The following GPC5 variants were observed in gnomAD, a reference collection of about 807,000 sequenced individuals.
GPC5 encodes the protein glypican-5.
A neutral mutation model predicts 53.9 loss-of-function variants in GPC5; 47 were observed. The observed-to-expected ratio is 0.87, with a 90% confidence interval of 0.69 to 1.11. The LOEUF (loss-of-function observed/expected upper bound fraction) is 1.11. Among genes scored for constraint, GPC5 ranks in the 50% most tolerant of loss-of-function variants. The pLI is 0.00. For missense variants in GPC5, 748 were observed against 713.1 expected, an observed-to-expected ratio of 1.05 and a Z score of -0.56; for synonymous variants, 286 against 263.3, an observed-to-expected ratio of 1.09 and a Z score of -0.84.
At chr13:92,394,612 A>C (rs1284858208) in intron 7 of GPC5, among the ~76,000 whole-genome samples, 2 of 152,186 alleles carry the variant, frequency 1.3e-5, no homozygotes, top group Admixed American at 1.3e-4. Flanking sequence ...TGAACCACCC[A>C]GTCTATGGTA....
At chr13:91,851,242 G>T (rs552100088) in intron 5 of GPC5, among the ~76,000 whole-genome samples, 31 of 152,212 alleles carry the variant, frequency 2.0e-4, no homozygotes, top group Non-Finnish European at 3.8e-4. Context: ...GTAGGCAATT[G>T]TAGCACAATG....
At chr13:91,566,931 C>CTT (rs372108616) in intron 2 of GPC5, among the ~76,000 whole-genome samples, 9,509 of 140,762 alleles carry the variant, frequency 0.068, 715 homozygotes, top group African/African-American at 0.18. Context: ...TCTTCCAATT[C>CTT]TTTTTTTTTT....
chr13:92,717,066 G>A (rs1015124900), intron 7 of GPC5, among the ~76,000 whole-genome samples: 1 of 151,640 alleles, frequency 6.6e-6, no homozygotes, highest in Non-Finnish European at 1.5e-5. Flanking sequence ...CTCCAAATCT[G>A]TGCTGTGAAG....
chr13:92,441,052 A>T (rs1388583351), intron 7 of GPC5, among the ~76,000 whole-genome samples: 1 of 151,962 alleles, frequency 6.6e-6, no homozygotes, highest in African/African-American at 2.4e-5. Context: ...GAAGCTCTTT[A>T]GTTTAATTAG....
chr13:91,547,188 T>C (rs1382559954), intron 2 of GPC5, among the ~76,000 whole-genome samples: 1 of 152,002 alleles, frequency 6.6e-6, no homozygotes, highest in Non-Finnish European at 1.5e-5. Context: ...TTGTGACATA[T>C]CCAACTAGAG....
At chr13:91,817,123 A>G (rs1278646892) in intron 5 of GPC5, among the ~76,000 whole-genome samples, 1 of 152,188 alleles carries the variant, frequency 6.6e-6, no homozygotes. Flanking sequence ...TGCCAGTATC[A>G]CATACCTAGT....
intron 1 of GPC5, among the ~76,000 whole-genome samples, chr13:91,443,172 C>G (rs1355130107): frequency 3.3e-5 from 5 of 152,128 alleles, no homozygotes; most frequent in Admixed American, 3.3e-4. Context: ...AAAATCATGT[C>G]TCCCCAATAT....
chr13:91,910,433 T>C (rs929951392), intron 6 of GPC5, among the ~76,000 whole-genome samples: 1 of 152,208 alleles, frequency 6.6e-6, no homozygotes, highest in Non-Finnish European at 1.5e-5. Flanking sequence ...ATTTAGATGA[T>C]CACTTCTTAG....
chr13:92,335,014 A>T (rs2043312559), intron 7 of GPC5, among the ~76,000 whole-genome samples: 1 of 152,070 alleles, frequency 6.6e-6, no homozygotes, highest in Non-Finnish European at 1.5e-5. Flanking sequence ...GGTCTGGAGG[A>T]TGGTGGCCTT....
chr13:92,556,895 T>C (rs1008320596), intron 7 of GPC5, among the ~76,000 whole-genome samples: 12 of 151,916 alleles, frequency 7.9e-5, no homozygotes, highest in African/African-American at 2.9e-4. Flanking sequence ...TAGTCTGGTA[T>C]GTAAGTGTTC....
In GPC5 at chr13:92,706,307, T is replaced by C. The variant is rs1022589751; in HGVS notation, c.1562-159975T>C. 3.4e-4 allele frequency among the ~76,000 whole-genome samples: 52 copies of C among 152,188 alleles called. 1 individual carries two copies. The highest frequency in any genetic ancestry group is 1.2e-3 in the African/African-American group (49 of 41,538). ...TAATTCAAATTTTATATGAATTTAA[T>C]ACAAATAAGGCTTAACTTCATTTTC... On this transcript the variant is annotated intron_variant, in intron 7 of 7. Transcript: ENST00000377067.
chr13:91,846,172 T>G (rs1231365372), intron 5 of GPC5, among the ~76,000 whole-genome samples: 1 of 152,112 alleles, frequency 6.6e-6, no homozygotes, highest in Non-Finnish European at 1.5e-5. Context: ...ACATATCCCC[T>G]AGTTTATATA....
At chr13:92,086,710 G>A (rs1230859182) in intron 6 of GPC5, among the ~76,000 whole-genome samples, 1 of 151,540 alleles carries the variant, frequency 6.6e-6, no homozygotes, top group East Asian at 1.9e-4. Context: ...CTAGGCTGGA[G>A]TGCAGTGGAG....
At chr13:91,983,744 C>A (rs150418249) in intron 6 of GPC5, among the ~76,000 whole-genome samples, 23 of 152,242 alleles carry the variant, frequency 1.5e-4, no homozygotes, top group African/African-American at 5.1e-4. Flanking sequence ...CTTATAAAGT[C>A]ATGTTACTAC....
chr13:91,801,253 TTGTGTGTGTGTGTGTG>T (rs71113762), intron 5 of GPC5, among the ~76,000 whole-genome samples: 3 of 146,400 alleles, frequency 2.0e-5, no homozygotes, highest in East Asian at 2.1e-4. Flanking sequence ...CATCCATACT[TTGTGTGTGTGTGTGTG>T]TGTGTGTGTG....
intron 7 of GPC5, among the ~76,000 whole-genome samples, chr13:92,188,661 A>G (rs908611143): frequency 7.9e-4 from 120 of 152,340 alleles, no homozygotes; most frequent in African/African-American, 2.7e-3. Flanking sequence ...CATAACAGTT[A>G]TATATAACAG....
At chr13:91,616,983 T>G (rs2033713678) in intron 2 of GPC5, among the ~76,000 whole-genome samples, 1 of 152,146 alleles carries the variant, frequency 6.6e-6, no homozygotes, top group Admixed American at 6.6e-5. Context: ...CTTAAAAGGC[T>G]AATTTCACAA....
chr13:91,640,989 G>A (rs1028744298), intron 2 of GPC5, among the ~76,000 whole-genome samples: 4 of 152,098 alleles, frequency 2.6e-5, no homozygotes, highest in African/African-American at 7.2e-5. Flanking sequence ...GACATGGATA[G>A]AGCTGGAAGC....
intron 7 of GPC5, among the ~76,000 whole-genome samples, chr13:92,361,362 C>G (rs2043565440): frequency 6.6e-6 from 1 of 151,576 alleles, no homozygotes; most frequent in African/African-American, 2.4e-5. Flanking sequence ...TGGACCCGGT[C>G]ATTTAGCTTG....
Sources: gnomAD v4.1 joint callset for allele counts (sites outside exome capture counted in the v4.1 genomes callset) on GRCh38, gnomAD v4.1.1 for gene constraint, MANE v1.5 for transcripts, NCBI Gene and HGNC (gene_info 2026-07-23, HGNC 2026-07-21) for gene names.